The following SAMD3 variants were observed in gnomAD, a reference collection of about 807,000 sequenced individuals.
SAMD3 encodes sterile alpha motif domain containing 3.
Under a neutral mutation model 58.5 loss-of-function variants are expected in SAMD3, and 63 were observed. That is an observed-to-expected ratio of 1.08 (90% CI 0.88 to 1.33). SAMD3 has a LOEUF of 1.33. Among genes scored for constraint, SAMD3 ranks in the 40% most tolerant of loss-of-function variants. The pLI is 0.00. For synonymous variants in SAMD3, 220 were observed against 210.3 expected (o/e 1.05, Z -0.40); for missense variants, 604 against 608.4 (o/e 0.99, Z 0.08).
chr6:130,168,321 G>C (rs1790910759), intron 8 of SAMD3, among the ~76,000 whole-genome samples: 1 of 152,122 alleles, frequency 6.6e-6, no homozygotes, highest in Non-Finnish European at 1.5e-5. Flanking sequence ...TGTAATCCCA[G>C]CTACTCAGGA....
intron 9 of SAMD3, among the ~76,000 whole-genome samples, chr6:130,147,229 T>A (rs750855632): frequency 7.2e-5 from 11 of 152,188 alleles, no homozygotes; most frequent in Non-Finnish European, 1.5e-4. Context: ...AACAATCACA[T>A]ACTACCCACT....
In SAMD3 at chr6:130,318,134, C is replaced by T. The variant is rs377702754; in HGVS notation, c.-303-5041G>A. ...GAAATCCTTGGAGCTCACATGGAGC[C>T]GCAACTGGAACTTCTTCCCACCAGC... On this transcript the variant is annotated intron_variant, in intron 1 of 13. Coordinates refer to the SAMD3 transcript ENST00000368134. 7.9e-5 allele frequency among the ~76,000 whole-genome samples: 12 copies of T among 152,188 alleles called. No homozygotes were observed. In the East Asian group the frequency reaches 2.1e-3, roughly 27 times the overall value.
intron 1 of SAMD3, among the ~76,000 whole-genome samples, chr6:130,219,496 T>C (rs1796133952): frequency 6.6e-6 from 1 of 152,236 alleles, no homozygotes; most frequent in African/African-American, 2.4e-5. Context: ...TTCCCCACTT[T>C]TTCCCGAGTC....
At chr6:130,290,204 T>C (rs1583056991) in intron 2 of SAMD3, among the ~76,000 whole-genome samples, 1 of 152,112 alleles carries the variant, frequency 6.6e-6, no homozygotes, top group Admixed American at 6.6e-5. Context: ...TTTACGGAAT[T>C]GGTTCGTGTG....
intron 8 of SAMD3, among the ~76,000 whole-genome samples, chr6:130,167,652 C>A (rs758887871): frequency 7.9e-5 from 12 of 152,158 alleles, no homozygotes; most frequent in Non-Finnish European, 1.8e-4. Context: ...CAGTAAGACA[C>A]TTAAGAAAAG....
Position 130,215,243 on chromosome 6 carries a change from T to G in SAMD3, c.31A>C (p.Ser11Arg), listed in dbSNP as rs139026601. 827 of 1,611,460 alleles carry G rather than the reference T, an allele frequency of 5.1e-4. No homozygotes were observed. The African/African-American group carries it at 9.5e-3, about 18-fold the overall frequency. Reference protein sequence around the residue: METWSVEQVCSWLVEKNLGEL... With the variant: METWSVEQVCRWLVEKNLGEL... ...CCTAAATTTTTCTCCACCAACCAACTGCAGACCTGCTCAACTGACCAGGTT... is the reference window on the plus strand; with the variant it reads ...CCTAAATTTTTCTCCACCAACCAACGGCAGACCTGCTCAACTGACCAGGTT... Residue 11 changes from serine (S) to arginine (R), a missense_variant, in exon 3 of 12, where the codon AGT becomes CGT. By Grantham distance (110) the Ser-to-Arg change is moderately radical. Coordinates refer to ENST00000439090, the MANE Select transcript of SAMD3 (RefSeq NM_001017373.4).
At chr6:130,169,438 G>A (rs1445942609) in intron 8 of SAMD3, among the ~76,000 whole-genome samples, 3 of 152,156 alleles carry the variant, frequency 2.0e-5, no homozygotes, top group Non-Finnish European at 4.4e-5. Flanking sequence ...TTGTAAGGGG[G>A]AAAAAAGTTA....
chr6:130,355,423 C>CA (rs1319238814), intron 1 of SAMD3, among the ~76,000 whole-genome samples: 6 of 151,514 alleles, frequency 4.0e-5, no homozygotes, highest in Non-Finnish European at 7.4e-5. Context: ...GACTCTGTCT[C>CA]AAAAAAATAA....
At chr6:130,261,209 G>C (rs914845731) in intron 2 of SAMD3, among the ~76,000 whole-genome samples, 14 of 108,410 alleles carry the variant, frequency 1.3e-4, no homozygotes, top group African/African-American at 6.9e-4. Flanking sequence ...TCAGCACTTT[G>C]GTTTTGGTTT....
intron 2 of SAMD3, among the ~76,000 whole-genome samples, chr6:130,267,649 C>T (rs1298347875): frequency 1.3e-5 from 2 of 152,170 alleles, no homozygotes; most frequent in East Asian, 3.8e-4. Context: ...CAGGCCTGGG[C>T]CTGCCTGACC....
At chr6:130,227,800 AAAG>A (rs1300814692), upstream of SAMD3, among the ~76,000 whole-genome samples, 1 of 151,750 alleles carries the variant, frequency 6.6e-6, no homozygotes. Flanking sequence ...AAAAAAAAAA[AAAG>A]AAAAGAAAAA....
intron 1 of SAMD3, among the ~76,000 whole-genome samples, chr6:130,349,230 G>C (rs1777567043): frequency 6.6e-6 from 1 of 152,138 alleles, no homozygotes; most frequent in Non-Finnish European, 1.5e-5. Flanking sequence ...ACTAAGATCA[G>C]AGCAGAACTG....
At chr6:130,288,457 G>A (rs1430076675) in intron 2 of SAMD3, among the ~76,000 whole-genome samples, 2 of 151,660 alleles carry the variant, frequency 1.3e-5, no homozygotes, top group African/African-American at 4.8e-5. Flanking sequence ...AATCACATCT[G>A]AAAAAAAATA....
chr6:130,211,983 T>C (rs1216918105), intron 4 of SAMD3, among the ~76,000 whole-genome samples: 1 of 150,946 alleles, frequency 6.6e-6, no homozygotes, highest in African/African-American at 2.4e-5. Context: ...ATTTTACAGT[T>C]GAAGAAGCTA....
rs561541031 is a variant in SAMD3 at position 130,212,949 on chromosome 6, A to G, written c.269+1388T>C. ...TACATGTTCAAGAGCGTCCTTTTTT[A>G]CATAGATATGCCAAAACAATGTTTA... On this transcript the variant is annotated intron_variant, in intron 4 of 11. Coordinates refer to ENST00000439090, the MANE Select transcript of SAMD3 (RefSeq NM_001017373.4). Among the ~76,000 whole-genome samples the G allele has an allele frequency of 2.6e-5, 4 of 152,228 alleles. No individual in the cohort carries two copies. The South Asian group carries it at 8.3e-4, about 32-fold the overall frequency.
intron 2 of SAMD3, 44 bp from the exon 3 acceptor site, chr6:130,215,338 A>ATTGTGCCTTAATTTTT: frequency 1.5e-6 from 2 of 1,320,820 alleles, no homozygotes; most frequent in Admixed American, 5.3e-5. Flanking sequence ...TTTCTTTCTG[A>ATTGTGCCTTAATTTTT]TTGTGCCTTA....
At chr6:130,176,972 C>T (rs766509966) in intron 7 of SAMD3, among the ~76,000 whole-genome samples, 4 of 152,076 alleles carry the variant, frequency 2.6e-5, no homozygotes, top group African/African-American at 9.7e-5. Context: ...ATTAAGGAAC[C>T]TCAATGTAAT....
intron 1 of SAMD3, among the ~76,000 whole-genome samples, chr6:130,338,623 C>T (rs1182399899): frequency 6.6e-6 from 1 of 152,196 alleles, no homozygotes; most frequent in Non-Finnish European, 1.5e-5. Context: ...GGGAGCTCAC[C>T]CTTTGCATCA....
intron 1 of SAMD3, among the ~76,000 whole-genome samples, chr6:130,354,013 G>T (rs1242532679): frequency 6.6e-6 from 1 of 152,044 alleles, no homozygotes; most frequent in South Asian, 2.1e-4. Context: ...GTGGGCAAAG[G>T]ACATGAACAG....
Sources: gnomAD v4.1 joint callset for allele counts (sites outside exome capture counted in the v4.1 genomes callset) on GRCh38, gnomAD v4.1.1 for gene constraint, MANE v1.5 for transcripts, NCBI Gene and HGNC (gene_info 2026-07-23, HGNC 2026-07-21) for gene names.